The following MYO1D variants were observed in gnomAD, a reference collection of about 807,000 sequenced individuals.
MYO1D encodes myosin ID, also known as unconventional myosin-Id.
MYO1D carries 83 observed loss-of-function variants against 122.0 expected under a neutral mutation model. That is an observed-to-expected ratio of 0.68 (90% CI 0.57 to 0.82). The LOEUF (loss-of-function observed/expected upper bound fraction) is 0.82, where lower values mean the gene tolerates loss of function less well. MYO1D is among the 40% of genes least tolerant of loss of function. The pLI is 0.00. For missense variants in MYO1D, 1,157 were observed against 1,269.5 expected (o/e 0.91, Z 1.35); for synonymous variants, 464 against 446.9 (o/e 1.04, Z -0.48).
At chr17:32,674,077 T>C (rs1009665703) in intron 16 of MYO1D, among the ~76,000 whole-genome samples, 1 of 152,180 alleles carries the variant, frequency 6.6e-6, no homozygotes, top group Admixed American at 6.5e-5. Context: ...AATGTCAACT[T>C]CCATGTATGA....
intron 21 of MYO1D, among the ~76,000 whole-genome samples, chr17:32,570,878 T>C (rs757738820): frequency 6.6e-6 from 1 of 152,174 alleles, no homozygotes; most frequent in Non-Finnish European, 1.5e-5. Flanking sequence ...AAGGTGTCTA[T>C]TAATACTATA....
intron 16 of MYO1D, among the ~76,000 whole-genome samples, chr17:32,675,333 ATAAT>A (rs143800255): frequency 1.3e-3 from 201 of 152,330 alleles, no homozygotes; most frequent in African/African-American, 4.6e-3. Flanking sequence ...TATGGTCTTC[ATAAT>A]TAATTAATCA....
intron 16 of MYO1D, among the ~76,000 whole-genome samples, chr17:32,706,722 A>G (rs2089312540): frequency 6.6e-6 from 1 of 152,068 alleles, no homozygotes; most frequent in Admixed American, 6.6e-5. Flanking sequence ...GTTAAGATGG[A>G]GTCTCACTCT....
rs1376088344 is a variant in MYO1D at position 32,493,054 on chromosome 17, T to C, written c.*1705A>G. ...AACATACATTTGCATGTGTCTAGTG[T>C]AAAGCAACAAGTTTGAGGAAATAAG... On this transcript the variant is annotated 3_prime_UTR_variant, in exon 22 of 22. Transcript: ENST00000318217. 1 of 152,650 alleles carries C rather than the reference T, an allele frequency of 6.6e-6. No individual in the cohort carries two copies. Among genetic ancestry groups the C allele is most frequent in the Non-Finnish European group, 1.5e-5 (1 of 68,070 alleles). The allele number at this position is 152,650 out of a possible 1,614,324, so 9.5% of individuals were successfully genotyped here. A position where few individuals can be genotyped will look rare whatever the true frequency, so the allele number is the denominator to read the frequency against.
intron 21 of MYO1D, among the ~76,000 whole-genome samples, chr17:32,511,570 T>C (rs1223765978): frequency 1.3e-5 from 2 of 151,894 alleles, no homozygotes; most frequent in African/African-American, 4.8e-5. Flanking sequence ...TTATTTTACA[T>C]GTTTGAAAGA....
In MYO1D at chr17:32,719,034, C is replaced by T. The variant is rs139331983; in HGVS notation, c.1913+1989G>A. Among the ~76,000 whole-genome samples, 8 of 152,322 alleles carry T rather than the reference C, an allele frequency of 5.3e-5. No homozygotes were observed. The East Asian group carries it at 1.5e-3, about 29-fold the overall frequency. ...AGAGATGTGTCAAAGTTAACATAGT[C>T]AAGAGAATAATCTTGATTCCATCTT... On this transcript the variant is annotated intron_variant, in intron 15 of 21. Transcript: ENST00000318217.
At chr17:32,802,750 T>C (rs2090471098) in intron 1 of MYO1D, among the ~76,000 whole-genome samples, 1 of 152,214 alleles carries the variant, frequency 6.6e-6, no homozygotes, top group South Asian at 2.1e-4. Flanking sequence ...AACATATATA[T>C]ACATACAGAT....
At chr17:32,726,283 G>T (rs938378605) in intron 14 of MYO1D, among the ~76,000 whole-genome samples, 1 of 152,070 alleles carries the variant, frequency 6.6e-6, no homozygotes, top group African/African-American at 2.4e-5. Context: ...AACTGGGTGT[G>T]GTGGCGTGCA....
At chr17:32,750,432 T>C (rs571683513) in intron 11 of MYO1D, among the ~76,000 whole-genome samples, 47 of 151,850 alleles carry the variant, frequency 3.1e-4, no homozygotes, top group African/African-American at 1.0e-3. Context: ...GCTAACACAG[T>C]GAAACCCTGT....
intron 11 of MYO1D, among the ~76,000 whole-genome samples, chr17:32,754,787 C>T (rs2089930396): frequency 6.6e-6 from 1 of 152,152 alleles, no homozygotes; most frequent in Admixed American, 6.5e-5. Context: ...TGTTCCTCTT[C>T]TAACACAAAT....
chr17:32,597,234 A>T (rs2087503270), intron 21 of MYO1D, among the ~76,000 whole-genome samples: 1 of 152,200 alleles, frequency 6.6e-6, no homozygotes, highest in Admixed American at 6.5e-5. Flanking sequence ...TAACACATAT[A>T]TTGGTCGCAG....
At chr17:32,828,447 C>A (rs1407002137) in intron 1 of MYO1D, among the ~76,000 whole-genome samples, 1 of 134,000 alleles carries the variant, frequency 7.5e-6, no homozygotes, top group Non-Finnish European at 1.5e-5. Context: ...ACCAGGGAGG[C>A]GGAGCTTGCA....
chr17:32,828,239 G>A (rs1319844696), intron 1 of MYO1D, among the ~76,000 whole-genome samples: 1 of 152,162 alleles, frequency 6.6e-6, no homozygotes, highest in South Asian at 2.1e-4. Flanking sequence ...ACAGGAGGCC[G>A]GGCGCAGTGG....
chr17:32,744,886 G>A (rs1289504894), intron 13 of MYO1D, among the ~76,000 whole-genome samples: 1 of 152,192 alleles, frequency 6.6e-6, no homozygotes, highest in Non-Finnish European at 1.5e-5. Context: ...TGGGCCAGAT[G>A]TCACCTGACA....
At chr17:32,631,520 A>G (rs2088006500) in intron 20 of MYO1D, among the ~76,000 whole-genome samples, 1 of 152,064 alleles carries the variant, frequency 6.6e-6, no homozygotes, top group Non-Finnish European at 1.5e-5. Flanking sequence ...AGTGGCGTGC[A>G]TCTGCAGTCC....
intron 1 of MYO1D, among the ~76,000 whole-genome samples, chr17:32,821,216 T>C (rs2090659428): frequency 1.3e-5 from 2 of 152,184 alleles, no homozygotes; most frequent in South Asian, 4.1e-4. Context: ...CATTCTTTTT[T>C]ATGACTGGAT....
chr17:32,538,867 G>T (rs1182027844), intron 21 of MYO1D, among the ~76,000 whole-genome samples: 3 of 152,142 alleles, frequency 2.0e-5, no homozygotes, highest in Non-Finnish European at 4.4e-5. Flanking sequence ...AACACCGCAT[G>T]TTCTTGCTCA....
At chr17:32,653,246 G>A (rs1414458473) in intron 19 of MYO1D, among the ~76,000 whole-genome samples, 1 of 151,536 alleles carries the variant, frequency 6.6e-6, no homozygotes, top group Non-Finnish European at 1.5e-5. Context: ...CACATGCAGT[G>A]AAATACAAAT....
intron 1 of MYO1D, among the ~76,000 whole-genome samples, chr17:32,790,707 A>G (rs2090341987): frequency 6.6e-6 from 1 of 152,258 alleles, no homozygotes; most frequent in South Asian, 2.1e-4. Flanking sequence ...AGAAGGTCAC[A>G]GAATATATGG....
Sources: gnomAD v4.1 joint callset for allele counts (sites outside exome capture counted in the v4.1 genomes callset) on GRCh38, gnomAD v4.1.1 for gene constraint, MANE v1.5 for transcripts, NCBI Gene and HGNC (gene_info 2026-07-23, HGNC 2026-07-21) for gene names.